Variants in CPA3 observed in about 807,000 individuals in gnomAD.
The protein encoded by CPA3 is carboxypeptidase A3.
In CPA3, 52 loss-of-function variants were observed where a neutral mutation model predicts 55.8. The observed-to-expected ratio is 0.93, with a 90% CI of 0.75 to 1.17. The LOEUF (loss-of-function observed/expected upper bound fraction) is 1.17. CPA3 is among the 50% of genes most tolerant of loss of function. The probability of loss-of-function intolerance (pLI) is 0.00; values close to 1 mark genes in which losing one functional copy is unlikely to be tolerated. For synonymous variants in CPA3, 179 were observed against 171.2 expected (o/e 1.05, Z -0.36); for missense variants, 547 against 509.1 (o/e 1.07, Z -0.72).
intron 2 of CPA3, among the ~76,000 whole-genome samples, chr3:148,867,107 G>A (rs1387548725): frequency 6.6e-6 from 1 of 152,126 alleles, no homozygotes; most frequent in Non-Finnish European, 1.5e-5. Flanking sequence ...TTTATGATCT[G>A]CCAAACTACC....
rs183571528 is a variant in CPA3, at chr3:148,893,255, G to C, written c.1067-3265G>C. ...AAGTTGCCATCATTAAAAAAAAAAT[G>C]CCTCAACAAACAATTACAGATGGCC... On this transcript the variant is annotated intron_variant, in intron 10 of 10. Coordinates refer to ENST00000296046, the MANE Select transcript of CPA3 (RefSeq NM_001870.4). Among the ~76,000 whole-genome samples, 331 of 149,514 alleles carry C rather than the reference G, an allele frequency of 2.2e-3. 1 individual carries two copies. Among genetic ancestry groups the C allele is most frequent in the Middle Eastern group, 7.0e-3 (2 of 284 alleles).
intron 6 of CPA3, among the ~76,000 whole-genome samples, chr3:148,880,798 A>C (rs889155055): frequency 6.6e-6 from 1 of 152,166 alleles, no homozygotes; most frequent in African/African-American, 2.4e-5. Flanking sequence ...CTGGGCATAG[A>C]TATTTTTCTA....
chr3:148,883,030 C>T (rs147299525), intron 8 of CPA3, among the ~76,000 whole-genome samples: 1 of 152,292 alleles, frequency 6.6e-6, no homozygotes, highest in East Asian at 1.9e-4. Context: ...TAAGCAGAGG[C>T]CTGCTACATC....
chr3:148,869,549 ATAAT>A (rs1714002604), intron 3 of CPA3, among the ~76,000 whole-genome samples: 1 of 152,228 alleles, frequency 6.6e-6, no homozygotes, highest in Non-Finnish European at 1.5e-5. Flanking sequence ...TATACAATAA[ATAAT>A]TCTTTATGAA....
intron 10 of CPA3, among the ~76,000 whole-genome samples, chr3:148,889,974 G>C (rs981016292): frequency 2.6e-5 from 4 of 151,676 alleles, no homozygotes; most frequent in Non-Finnish European, 5.9e-5. Flanking sequence ...GGAGGAGCTC[G>C]GCACTCAATT....
rs1714849817 is a variant in CPA3 at position 148,897,044 on chromosome 3, T to A, written c.*337T>A. The A allele has an allele frequency of 5.5e-6, 1 of 182,290 alleles. No homozygotes were observed. The highest frequency in any genetic ancestry group is 1.1e-5 in the Non-Finnish European group (1 of 87,926). The allele number at this position is 182,290 out of a possible 1,614,324, so 11.3% of individuals were successfully genotyped here. A position where few individuals can be genotyped will look rare whatever the true frequency, so the allele number is the denominator to read the frequency against. On this transcript the variant is annotated 3_prime_UTR_variant, in exon 11 of 11. Coordinates refer to ENST00000296046, the MANE Select transcript of CPA3 (RefSeq NM_001870.4). ...TTTTCACCATGTGGCTTCATCAATT[T>A]ATGTGCTAATACAATAAAATAAAAT...
At chr3:148,882,172 A>G (rs958214623) in intron 7 of CPA3, among the ~76,000 whole-genome samples, 2 of 152,312 alleles carry the variant, frequency 1.3e-5, no homozygotes, top group African/African-American at 4.8e-5. Context: ...CTGAATCTAT[A>G]TATGGTGAAC....
At chr3:148,895,268 T>C (rs1053185896) in intron 10 of CPA3, among the ~76,000 whole-genome samples, 2 of 152,162 alleles carry the variant, frequency 1.3e-5, no homozygotes, top group Non-Finnish European at 2.9e-5. Context: ...TGCTTTTCTA[T>C]CCTTGTAGTT....
chr3:148,865,376 G>C lies in CPA3; in HGVS notation c.68+1G>C. ...CAATTGCTCCTGTCCGCTTTGACAG[G>C]TAAATCTTACTTCCTGTGTTCCAGT... is the stretch of plus-strand genomic sequence containing the variant. On this transcript the variant is annotated splice_donor_variant, in intron 1 of 10. Coordinates refer to ENST00000296046, the MANE Select transcript of CPA3 (RefSeq NM_001870.4). LOFTEE classifies it high-confidence loss of function. The C allele has an allele frequency of 1.2e-6, 2 of 1,614,048 alleles. No homozygotes were observed. Among genetic ancestry groups the C allele is most frequent in the Non-Finnish European group, 1.7e-6 (2 of 1,179,980 alleles).
intron 10 of CPA3, among the ~76,000 whole-genome samples, chr3:148,893,563 C>T (rs775994848): frequency 2.6e-5 from 4 of 151,954 alleles, no homozygotes; most frequent in Admixed American, 6.6e-5. Context: ...TTCATGTCAT[C>T]GGTCCAAGGA....
intron 2 of CPA3, among the ~76,000 whole-genome samples, 173 bp from the exon 3 acceptor site, chr3:148,868,742 C>A (rs1713977376): frequency 6.6e-6 from 1 of 151,320 alleles, no homozygotes; most frequent in Non-Finnish European, 1.5e-5. Context: ...TAATATTCAA[C>A]AGTTCTTAAA....
At chr3:148,870,521 T>C (rs946926957) in intron 3 of CPA3, among the ~76,000 whole-genome samples, 22 of 152,146 alleles carry the variant, frequency 1.4e-4, no homozygotes, top group African/African-American at 5.3e-4. Context: ...AAAGATAACA[T>C]TCTATTATTT....
intron 2 of CPA3, among the ~76,000 whole-genome samples, chr3:148,868,168 C>T (rs1713958871): frequency 6.6e-6 from 1 of 152,176 alleles, no homozygotes; most frequent in African/African-American, 2.4e-5. Flanking sequence ...GCTGGGATTA[C>T]AGTCGTGAGC....
At chr3:148,872,075 A>T (rs1037835784) in intron 3 of CPA3, among the ~76,000 whole-genome samples, 8 of 152,206 alleles carry the variant, frequency 5.3e-5, no homozygotes, top group Admixed American at 5.2e-4. Flanking sequence ...AGTTTAAAGC[A>T]TCTGTGTGGT....
At chr3:148,876,537 T>C (rs1253131173) in intron 3 of CPA3, among the ~76,000 whole-genome samples, 1 of 152,060 alleles carries the variant, frequency 6.6e-6, no homozygotes, top group Non-Finnish European at 1.5e-5. Flanking sequence ...CTACCACACC[T>C]GGCTAACTTT....
intron 10 of CPA3, among the ~76,000 whole-genome samples, chr3:148,891,664 T>G (rs1714675194): frequency 6.6e-6 from 1 of 152,188 alleles, no homozygotes; most frequent in South Asian, 2.1e-4. Context: ...CACATAATTA[T>G]GAAAAATCAA....
intron 5 of CPA3, 67 bp from the exon 6 acceptor site, chr3:148,879,721 T>G (rs953098629): frequency 1.4e-5 from 14 of 1,019,118 alleles, no homozygotes; most frequent in Non-Finnish European, 2.0e-5. Flanking sequence ...ATGAATGAGT[T>G]ATTGGTCAAC....
At chr3:148,867,320 C>G (rs547992516) in intron 2 of CPA3, among the ~76,000 whole-genome samples, 1 of 152,350 alleles carries the variant, frequency 6.6e-6, no homozygotes, top group South Asian at 2.1e-4. Flanking sequence ...TTCATCAACT[C>G]TCGTGACTCA....
chr3:148,871,062 C>CT (rs564175630), intron 3 of CPA3, among the ~76,000 whole-genome samples: 13 of 152,024 alleles, frequency 8.6e-5, no homozygotes, highest in East Asian at 3.9e-4. Context: ...CCATGCCTGG[C>CT]TTTTTTTTGT....
Sources: gnomAD v4.1 joint callset for allele counts (sites outside exome capture counted in the v4.1 genomes callset) on GRCh38, gnomAD v4.1.1 for gene constraint, MANE v1.5 for transcripts, NCBI Gene and HGNC (gene_info 2026-07-23, HGNC 2026-07-21) for gene names.